SUGCT: variants seen among roughly 807,000 people sequenced by gnomAD.
SUGCT encodes the protein succinyl-CoA:glutarate-CoA transferase, also known as succinyl-CoA:glutarate CoA-transferase.
Under a neutral mutation model 55.0 loss-of-function variants are expected in SUGCT, and 41 were observed. That is an observed-to-expected ratio of 0.74 (90% confidence interval 0.58 to 0.97). The LOEUF (loss-of-function observed/expected upper bound fraction) is 0.97, where lower values mean the gene tolerates loss of function less well. SUGCT is among the 50% of genes least tolerant of loss of function. SUGCT has a pLI of 0.00. For missense variants in SUGCT, 568 were observed against 547.8 expected, an observed-to-expected ratio of 1.04 and a Z score of -0.37; for synonymous variants, 187 against 200.4, an observed-to-expected ratio of 0.93 and a Z score of 0.56.
chr7:40,181,471 C>T (rs1009226872), intron 2 of SUGCT, among the ~76,000 whole-genome samples: 1 of 152,082 alleles, frequency 6.6e-6, no homozygotes, highest in East Asian at 1.9e-4. Flanking sequence ...AGGGGCCAGG[C>T]GCGGTGGCTC....
In SUGCT at chr7:40,188,546, G is replaced by A. The variant is rs773683780; in HGVS notation, c.278G>A (p.Ser93Asn). 3.7e-6 allele frequency: 6 copies of A among 1,607,370 alleles called. No individual in the cohort carries two copies. Among genetic ancestry groups the A allele is most frequent in the Non-Finnish European group, 5.1e-6 (6 of 1,177,842 alleles). Residue 93 changes from serine to asparagine, a missense_variant, in exon 4 of 14, where the codon AGT (serine) becomes AAT (asparagine). Ser to Asn is a conservative substitution (Grantham distance 46). Coordinates refer to ENST00000335693, the MANE Select transcript of SUGCT (RefSeq NM_001193313.2). ...GGGCCACCTTTTGTTGGGACAGAAAGTACATATTATCTCAGTGTTAACCGA... is the reference window on the plus strand; with the variant it reads ...GGGCCACCTTTTGTTGGGACAGAAAATACATATTATCTCAGTGTTAACCGA... Reference protein sequence around the residue: ...TWGPPFVGTESTYYLSVNRNK... With the variant: ...TWGPPFVGTENTYYLSVNRNK...
Position 40,449,319 on chromosome 7 carries a change from T to C in SUGCT, c.849T>C (p.Val283=). 2 of 1,612,638 alleles carry C rather than the reference T, an allele frequency of 1.2e-6. No homozygotes were observed. The highest frequency in any genetic ancestry group is 2.2e-5 in the South Asian group (2 of 90,894). ...AAACCAAGGATGGCTATATTGTAGT[T>C]GGAGCAGGAAATAACCAGCAGTTTG... ...AFKTKDGYIV[V]GAGNNQQFAT... Residue 283 remains valine (V), a synonymous_variant, in exon 10 of 14, where the codon GTT becomes GTC. Transcript: ENST00000335693.
chr7:40,378,929 G>A (rs1046028462), intron 9 of SUGCT, among the ~76,000 whole-genome samples: 1 of 152,324 alleles, frequency 6.6e-6, no homozygotes, highest in Admixed American at 6.5e-5. Context: ...TATGAGAAAA[G>A]TGTGACTATT....
Position 40,860,486 on chromosome 7 carries a change from A to G in SUGCT, c.*7A>G, listed in dbSNP as rs1328028313. 6.2e-7 allele frequency: 1 copy of G among 1,607,128 alleles called. No homozygotes were observed. Among genetic ancestry groups the G allele is most frequent in the South Asian group, 1.1e-5 (1 of 90,566 alleles). On this transcript the variant is annotated 3_prime_UTR_variant, in exon 14 of 14. Transcript: ENST00000335693. ...CCAACATGAAACTCACTGACAAAGG[A>G]AAAGGGCTCTTCCTCATAACCTCGA...
At position 40,392,028 on chromosome 7, in the gene SUGCT, G is replaced by C. The variant is rs182219893; in HGVS notation, c.817-57259G>C. On this transcript the variant is annotated intron_variant, in intron 9 of 13. Transcript: ENST00000335693. ...AAACCATCATTCTGAGCAAACTATT[G>C]CAAGGACAGAAAACCAAAGACTGCA... is the stretch of plus-strand genomic sequence containing the variant. Among the ~76,000 whole-genome samples, 106 of 152,254 alleles carry C rather than the reference G, an allele frequency of 7.0e-4. 1 individual carries two copies. The highest frequency in any genetic ancestry group is 1.3e-3 in the Non-Finnish European group (86 of 68,022).
intron 12 of SUGCT, among the ~76,000 whole-genome samples, chr7:40,571,749 T>A (rs1045126519): frequency 6.6e-6 from 1 of 152,186 alleles, no homozygotes; most frequent in Non-Finnish European, 1.5e-5. Context: ...AGAAAAGCTT[T>A]TATCAGGCAC....
At chr7:40,947,937 C>A in the SUGCT span, among the ~76,000 whole-genome samples, 18 of 152,274 alleles carry the variant, frequency 1.2e-4, no homozygotes, top group African/African-American at 3.4e-4. Context: ...ATAAGAATAG[C>A]AGCAAGAATG....
At chr7:40,899,193 T>C in the SUGCT span, among the ~76,000 whole-genome samples, 2 of 152,174 alleles carry the variant, frequency 1.3e-5, no homozygotes, top group Admixed American at 6.5e-5. Flanking sequence ...GCTCTTGACC[T>C]TTCTGAGAAC....
chr7:40,401,177 T>C (rs186904061), intron 9 of SUGCT, among the ~76,000 whole-genome samples: 1 of 152,332 alleles, frequency 6.6e-6, no homozygotes, highest in East Asian at 1.9e-4. Flanking sequence ...ATAAAAATTA[T>C]AGTGTCTGGC....
chr7:40,651,702 ACAT>A (rs1800792079), intron 12 of SUGCT, among the ~76,000 whole-genome samples: 1 of 152,062 alleles, frequency 6.6e-6, no homozygotes, highest in Non-Finnish European at 1.5e-5. Flanking sequence ...TTCTTCAGAA[ACAT>A]CATTCAGCCT....
chr7:40,297,405 G>A (rs568197285), intron 8 of SUGCT, among the ~76,000 whole-genome samples: 1 of 152,068 alleles, frequency 6.6e-6, no homozygotes, highest in African/African-American at 2.4e-5. Flanking sequence ...CATGCTGATG[G>A]CGTATTTCTT....
At chr7:40,554,226 C>T (rs764143630) in intron 12 of SUGCT, among the ~76,000 whole-genome samples, 3 of 152,162 alleles carry the variant, frequency 2.0e-5, no homozygotes, top group Admixed American at 1.3e-4. Flanking sequence ...TGTAAATCTG[C>T]GCAGATGATA....
chr7:40,574,728 G>A (rs548756336), intron 12 of SUGCT, among the ~76,000 whole-genome samples: 3 of 152,004 alleles, frequency 2.0e-5, no homozygotes, highest in Admixed American at 1.3e-4. Flanking sequence ...CACCGTGCCC[G>A]GCTGGGCCTG....
At chr7:41,023,480 AT>A in the SUGCT span, among the ~76,000 whole-genome samples, 6 of 152,292 alleles carry the variant, frequency 3.9e-5, no homozygotes, top group East Asian at 1.2e-3. Flanking sequence ...TAAAGAAAAA[AT>A]AAAAATATAT....
the SUGCT span, among the ~76,000 whole-genome samples, chr7:40,957,758 C>T: frequency 8.5e-5 from 13 of 152,110 alleles, no homozygotes; most frequent in East Asian, 5.8e-4. Context: ...TTCATAGTTT[C>T]GGTGGACTTT....
At chr7:40,469,891 T>C (rs1790316704) in intron 11 of SUGCT, among the ~76,000 whole-genome samples, 1 of 152,172 alleles carries the variant, frequency 6.6e-6, no homozygotes, top group Non-Finnish European at 1.5e-5. Context: ...CCCTCGTTTC[T>C]CCTTTGGAAC....
At chr7:40,339,509 A>G (rs1796925614) in intron 9 of SUGCT, among the ~76,000 whole-genome samples, 1 of 152,102 alleles carries the variant, frequency 6.6e-6, no homozygotes, top group African/African-American at 2.4e-5. Flanking sequence ...TGTGCTAGCA[A>G]TGAGTGAGGC....
the SUGCT span, among the ~76,000 whole-genome samples, chr7:40,956,456 G>T: frequency 6.6e-6 from 1 of 152,110 alleles, no homozygotes; most frequent in African/African-American, 2.4e-5. Flanking sequence ...TTGTGTTTCT[G>T]TGGGATCAGA....
intron 13 of SUGCT, among the ~76,000 whole-genome samples, chr7:40,755,329 C>CTATTT (rs1788200668): frequency 6.6e-6 from 1 of 152,070 alleles, no homozygotes; most frequent in Non-Finnish European, 1.5e-5. Flanking sequence ...TTACAGTGTC[C>CTATTT]TAAATTTTAA....
Sources: allele counts gnomAD v4.1 joint callset (sites outside exome capture counted in the v4.1 genomes callset), GRCh38; gene constraint gnomAD v4.1.1; transcripts MANE v1.5; gene names NCBI Gene and HGNC (gene_info 2026-07-23, HGNC 2026-07-21).